Variants in STXBP4 observed in about 807,000 individuals in gnomAD.
STXBP4 encodes syntaxin-binding protein 4.
In STXBP4, 55 loss-of-function variants were observed where a neutral mutation model predicts 76.1. That is an observed-to-expected ratio of 0.72 (90% confidence interval 0.58 to 0.91). The LOEUF (loss-of-function observed/expected upper bound fraction) is 0.91, where lower values mean the gene tolerates loss of function less well. Among genes scored for constraint, STXBP4 ranks in the 40% least tolerant of loss-of-function variants. STXBP4 has a pLI of 0.00. For missense variants in STXBP4, 618 were observed against 636.9 expected (o/e 0.97, Z 0.32); for synonymous variants, 201 against 220.2 (o/e 0.91, Z 0.77).
At chr17:55,028,515 A>G (rs1323729248) in intron 8 of STXBP4, among the ~76,000 whole-genome samples, 5 of 152,136 alleles carry the variant, frequency 3.3e-5, no homozygotes. Context: ...TTAATATGGC[A>G]ATTGTCTTCA....
downstream of STXBP4, among the ~76,000 whole-genome samples, chr17:55,177,228 T>A (rs2080434417): frequency 6.6e-6 from 1 of 151,874 alleles, no homozygotes; most frequent in African/African-American, 2.4e-5. Flanking sequence ...GATTTGTTTT[T>A]AAAAACTCCC....
intron 1 of STXBP4, among the ~76,000 whole-genome samples, chr17:54,970,979 A>C (rs2077391670): frequency 1.6e-5 from 1 of 63,628 alleles, no homozygotes; most frequent in South Asian, 3.9e-4. Flanking sequence ...CTGAATGACA[A>C]CTAAATATTT....
At chr17:55,113,654 T>A (rs1379674140) in intron 16 of STXBP4, among the ~76,000 whole-genome samples, 1 of 152,124 alleles carries the variant, frequency 6.6e-6, no homozygotes, top group African/African-American at 2.4e-5. Flanking sequence ...GTGTTAAACT[T>A]TATTTTTGTT....
the STXBP4 span, among the ~76,000 whole-genome samples, chr17:55,205,248 G>A: frequency 6.6e-6 from 1 of 151,678 alleles, no homozygotes; most frequent in Admixed American, 6.6e-5. Context: ...ACAGAGAAAG[G>A]TATCAAGAGA....
chr17:55,096,430 C>T (rs955786113), intron 16 of STXBP4, among the ~76,000 whole-genome samples: 1 of 152,022 alleles, frequency 6.6e-6, no homozygotes, highest in Non-Finnish European at 1.5e-5. Flanking sequence ...ATAAAATATA[C>T]CTCATCTTAC....
At chr17:54,973,675 A>C (rs987863778) in intron 1 of STXBP4, among the ~76,000 whole-genome samples, 5 of 152,358 alleles carry the variant, frequency 3.3e-5, no homozygotes, top group Admixed American at 2.6e-4. Context: ...GTGTGCTTGT[A>C]ATAATACATA....
chr17:54,978,116 C>T (rs531982606), intron 1 of STXBP4, among the ~76,000 whole-genome samples: 2 of 152,096 alleles, frequency 1.3e-5, no homozygotes, highest in Admixed American at 6.5e-5. Context: ...AAAAGAAAAT[C>T]GTTCCCTCAA....
intron 9 of STXBP4, among the ~76,000 whole-genome samples, chr17:55,031,674 TGGTATGGGAGGGGAATTG>T (rs2078511869): frequency 6.6e-6 from 1 of 152,154 alleles, no homozygotes; most frequent in Non-Finnish European, 1.5e-5. Context: ...AGTCATCCCT[TGGTATGGGAGGGGAATTG>T]TTTCCCGGAC....
At chr17:55,043,681 T>C in intron 11 of STXBP4, 1 of 1,546,178 alleles carries the variant, frequency 6.5e-7, no homozygotes, top group Non-Finnish European at 8.7e-7. Flanking sequence ...GTGAGTTCTT[T>C]GGGAAATACA....
chr17:55,016,009 C>G (rs568782678), intron 8 of STXBP4, among the ~76,000 whole-genome samples: 1 of 152,142 alleles, frequency 6.6e-6, no homozygotes, highest in Non-Finnish European at 1.5e-5. Context: ...GAATATAAGT[C>G]ATAGCGTCTG....
At chr17:55,008,662 CTG>C (rs932383893) in intron 8 of STXBP4, among the ~76,000 whole-genome samples, 13 of 152,134 alleles carry the variant, frequency 8.5e-5, no homozygotes, top group Middle Eastern at 6.8e-3. Context: ...TGGTAATAAA[CTG>C]GGGGGAGCAT....
intron 16 of STXBP4, among the ~76,000 whole-genome samples, chr17:55,083,309 C>A (rs2079280865): frequency 6.6e-6 from 1 of 152,002 alleles, no homozygotes; most frequent in Non-Finnish European, 1.5e-5. Context: ...TTTACATCTC[C>A]TTTTTCACTA....
intron 16 of STXBP4, among the ~76,000 whole-genome samples, chr17:55,120,882 A>G (rs988162881): frequency 6.6e-6 from 1 of 152,076 alleles, no homozygotes; most frequent in African/African-American, 2.4e-5. Context: ...TCAGAGTTGC[A>G]TCAGCTCAAA....
chr17:55,043,699 T>G lies in STXBP4; in HGVS notation c.945+374T>G. 3 of 1,516,982 alleles carry G rather than the reference T, an allele frequency of 2.0e-6. No homozygotes were observed. In the South Asian group the frequency reaches 3.6e-5, roughly 18 times the overall value. The allele number at this position is 1,516,982 out of a possible 1,614,324, so 94.0% of individuals were successfully genotyped here. The stretch of plus-strand genomic sequence containing the variant: ...AGTTCTTTGGGAAATACATTTTTTT[T>G]CATGTGCAGGGCTATTCTTAAGGGA... On this transcript the variant is annotated intron_variant, in intron 11 of 17. Coordinates refer to ENST00000376352, the MANE Select transcript of STXBP4 (RefSeq NM_178509.6).
chr17:55,153,474 A>C (rs1478833413), intron 17 of STXBP4, among the ~76,000 whole-genome samples: 1 of 152,220 alleles, frequency 6.6e-6, no homozygotes, highest in African/African-American at 2.4e-5. Flanking sequence ...TCTGTAGTAT[A>C]ATATATATGC....
chr17:55,039,335 G>A (rs569436598), intron 10 of STXBP4, among the ~76,000 whole-genome samples: 1 of 123,062 alleles, frequency 8.1e-6, no homozygotes, highest in African/African-American at 3.4e-5. Context: ...TGCACACAGA[G>A]AGTAGTCTAC....
At chr17:54,984,192 A>G (rs2077590920) in intron 1 of STXBP4, among the ~76,000 whole-genome samples, 1 of 152,124 alleles carries the variant, frequency 6.6e-6, no homozygotes, top group Non-Finnish European at 1.5e-5. Flanking sequence ...AATTTACGGA[A>G]GAATCTATGA....
chr17:55,038,882 A>C (rs530297210), intron 10 of STXBP4, among the ~76,000 whole-genome samples: 2 of 152,142 alleles, frequency 1.3e-5, no homozygotes, highest in Non-Finnish European at 2.9e-5. Context: ...ATTTTAAACA[A>C]GTGAAATAGA....
chr17:55,207,686 C>T, the STXBP4 span, among the ~76,000 whole-genome samples: 1 of 152,234 alleles, frequency 6.6e-6, no homozygotes, highest in Non-Finnish European at 1.5e-5. Context: ...GGACCCTTAT[C>T]ACCAATTGTT....
Sources: allele counts gnomAD v4.1 joint callset (sites outside exome capture counted in the v4.1 genomes callset), GRCh38; gene constraint gnomAD v4.1.1; transcripts MANE v1.5; gene names NCBI Gene and HGNC (gene_info 2026-07-23, HGNC 2026-07-21).